Variants in MAP3K9 observed in about 807,000 individuals in gnomAD.
The protein encoded by MAP3K9 is mixed lineage kinase 1 (tyr and ser/thr specificity).
A neutral mutation model predicts 95.8 loss-of-function variants in MAP3K9; 46 were observed. The observed-to-expected ratio is 0.48, with a 90% confidence interval of 0.38 to 0.61. MAP3K9 has a LOEUF of 0.61. MAP3K9 is among the 20% of genes least tolerant of loss of function. The probability of loss-of-function intolerance (pLI) is 0.00; values close to 1 mark genes in which losing one functional copy is unlikely to be tolerated. For synonymous variants in MAP3K9, 533 were observed against 593.8 expected, an observed-to-expected ratio of 0.90 and a Z score of 1.49; for missense variants, 1,296 against 1,474.3, an observed-to-expected ratio of 0.88 and a Z score of 1.98.
At chr14:70,747,258 A>C (rs2054160254) in intron 5 of MAP3K9, among the ~76,000 whole-genome samples, 1 of 152,234 alleles carries the variant, frequency 6.6e-6, no homozygotes, top group Non-Finnish European at 1.5e-5. Context: ...AAGTGGAGAT[A>C]ATTGAATCAT....
At chr14:70,774,358 C>T (rs553484997) in intron 2 of MAP3K9, among the ~76,000 whole-genome samples, 1 of 152,312 alleles carries the variant, frequency 6.6e-6, no homozygotes, top group East Asian at 1.9e-4. Flanking sequence ...ATTATGTACA[C>T]ATGACACTTC....
At chr14:70,752,196 T>C (rs1336055773) in intron 3 of MAP3K9, among the ~76,000 whole-genome samples, 1 of 152,258 alleles carries the variant, frequency 6.6e-6, no homozygotes, top group Admixed American at 6.5e-5. Context: ...TAGCATTGGA[T>C]ACTTTACGAT....
chr14:70,772,231 C>A (rs2054541300), intron 2 of MAP3K9, among the ~76,000 whole-genome samples: 1 of 152,218 alleles, frequency 6.6e-6, no homozygotes, highest in African/African-American at 2.4e-5. Context: ...CTATGCTTCC[C>A]AACAAGGACT....
At chr14:70,782,127 T>C (rs953928317) in intron 2 of MAP3K9, among the ~76,000 whole-genome samples, 1 of 152,136 alleles carries the variant, frequency 6.6e-6, no homozygotes, top group Non-Finnish European at 1.5e-5. Context: ...AGACCCCATC[T>C]CATGTATCTT....
intron 2 of MAP3K9, among the ~76,000 whole-genome samples, chr14:70,766,316 T>C (rs182857149): frequency 2.2e-3 from 330 of 152,162 alleles, no homozygotes; most frequent in Middle Eastern, 0.01. Flanking sequence ...TTCTACAAAA[T>C]GGGGATAAAG....
At chr14:70,793,865 G>A (rs1428643150) in intron 2 of MAP3K9, among the ~76,000 whole-genome samples, 1 of 152,182 alleles carries the variant, frequency 6.6e-6, no homozygotes, top group Non-Finnish European at 1.5e-5. Flanking sequence ...TTTCGTTATG[G>A]CCTATGAATG....
intron 5 of MAP3K9, among the ~76,000 whole-genome samples, chr14:70,747,264 A>G (rs2054160442): frequency 1.3e-5 from 2 of 152,154 alleles, no homozygotes; most frequent in South Asian, 4.1e-4. Context: ...AGATAATTGA[A>G]TCATGGGGGT....
intron 2 of MAP3K9, among the ~76,000 whole-genome samples, chr14:70,775,937 C>T (rs58270240): frequency 0.015 from 2,291 of 152,148 alleles, 58 homozygotes; most frequent in African/African-American, 0.05. Context: ...GCCTGTAATC[C>T]GAGCACTTTG....
intron 2 of MAP3K9, among the ~76,000 whole-genome samples, chr14:70,780,190 G>C (rs2107666): frequency 0.89 from 135,318 of 152,234 alleles, 60,209 homozygotes; most frequent in Middle Eastern, 0.93. Context: ...AAAGCACCAG[G>C]CTTCCTCATA....
chr14:70,747,285 T>C (rs1296291348), intron 5 of MAP3K9, among the ~76,000 whole-genome samples: 1 of 152,130 alleles, frequency 6.6e-6, no homozygotes, highest in East Asian at 1.9e-4. Context: ...GGTTCCCTCA[T>C]CCTGTTCTCG....
At chr14:70,794,166 A>C (rs2054836640) in intron 2 of MAP3K9, among the ~76,000 whole-genome samples, 2 of 152,200 alleles carry the variant, frequency 1.3e-5, no homozygotes, top group South Asian at 2.1e-4. Context: ...AGCTTGGCTA[A>C]AGAAGAAAGT....
rs375140431 is a variant in MAP3K9, at chr14:70,796,926, A to C, written c.820+3741T>G. On this transcript the variant is annotated intron_variant, in intron 2 of 11. Coordinates refer to ENST00000554752, the MANE Select transcript of MAP3K9 (RefSeq NM_001284230.2). ...GTGTAGACCTTGTTTAGCCGCTGTT[A>C]TTTGGTTTGGCTTTTCGGGCTACGT... is the stretch of plus-strand genomic sequence containing the variant. Among the ~76,000 whole-genome samples the C allele has an allele frequency of 6.0e-4, 92 of 152,070 alleles. 1 individual carries two copies. Among genetic ancestry groups the C allele is most frequent in the African/African-American group, 2.1e-3 (89 of 41,484 alleles).
At chr14:70,783,417 C>T in intron 2 of MAP3K9, 17 of 985,166 alleles carry the variant, frequency 1.7e-5, no homozygotes, top group Non-Finnish European at 2.0e-5. Flanking sequence ...GAAGCTCCCT[C>T]ATTTCCTGCT....
chr14:70,789,742 G>C (rs933527505), intron 2 of MAP3K9, among the ~76,000 whole-genome samples: 1 of 152,258 alleles, frequency 6.6e-6, no homozygotes, highest in East Asian at 1.9e-4. Context: ...GTTTCCTATA[G>C]AGAGCAAAAA....
rs763022930 is a variant in MAP3K9, at chr14:70,748,873, G to A, written c.1282C>T (p.His428Tyr). Residue 428 changes from histidine to tyrosine, a missense_variant, in exon 5 of 12, where the codon CAC (histidine) becomes TAC (tyrosine). By Grantham distance (83) the His-to-Tyr change is moderately conservative (BLOSUM62 2). Coordinates refer to ENST00000554752, the MANE Select transcript of MAP3K9 (RefSeq NM_001284230.2). ...TGGTCAAACATCTCCTGAATCTCGT[G>A]TTTCCAGTTGTCCTGCAGGCAGTGG... ...SFHCLQDNWK[H>Y]EIQEMFDQLR... 1 of 1,613,956 alleles carries A rather than the reference G, an allele frequency of 6.2e-7. No homozygotes were observed. The highest frequency in any genetic ancestry group is 1.1e-5 in the South Asian group (1 of 91,066).
At chr14:70,770,824 G>A (rs911175370) in intron 2 of MAP3K9, among the ~76,000 whole-genome samples, 6 of 152,116 alleles carry the variant, frequency 3.9e-5, no homozygotes, top group Non-Finnish European at 8.8e-5. Flanking sequence ...TAATCCCTGT[G>A]TCCTGTACCC....
At chr14:70,752,629 A>C (rs1204194472) in intron 3 of MAP3K9, among the ~76,000 whole-genome samples, 1 of 152,188 alleles carries the variant, frequency 6.6e-6, no homozygotes, top group Non-Finnish European at 1.5e-5. Context: ...TTGCTCTTGG[A>C]ATAAATGCCC....
chr14:70,749,755 A>T, intron 4 of MAP3K9, 178 bp downstream of exon 4: 2 of 639,608 alleles, frequency 3.1e-6, no homozygotes, highest in South Asian at 4.5e-5. Flanking sequence ...GACTGCTTGC[A>T]GCAGGGTGTG....
chr14:70,756,986 C>T (rs1459465481), intron 3 of MAP3K9, among the ~76,000 whole-genome samples: 1 of 152,166 alleles, frequency 6.6e-6, no homozygotes, highest in African/African-American at 2.4e-5. Flanking sequence ...TACAACTCAA[C>T]TTAATGAGAT....
Sources: gnomAD v4.1 joint callset for allele counts (sites outside exome capture counted in the v4.1 genomes callset) on GRCh38, gnomAD v4.1.1 for gene constraint, MANE v1.5 for transcripts, NCBI Gene and HGNC (gene_info 2026-07-23, HGNC 2026-07-21) for gene names.